SPTLC2: variants seen among roughly 807,000 people sequenced by gnomAD.
SPTLC2 encodes the protein serine palmitoyltransferase 2.
SPTLC2 carries 21 observed loss-of-function variants against 62.0 expected under a neutral mutation model. The observed-to-expected ratio is 0.34, with a 90% CI of 0.24 to 0.49. The LOEUF is 0.49. SPTLC2 is among the 20% of genes least tolerant of loss of function. The probability of loss-of-function intolerance (pLI) is 0.99; values close to 1 mark genes in which losing one functional copy is unlikely to be tolerated. For missense variants in SPTLC2, 511 were observed against 713.0 expected (o/e 0.72, Z 3.23); for synonymous variants, 261 against 261.8 (o/e 1.00, Z 0.03).
chr14:77,604,780 T>C (rs1353459673), intron 1 of SPTLC2, among the ~76,000 whole-genome samples: 4 of 149,650 alleles, frequency 2.7e-5, no homozygotes, highest in Admixed American at 2.0e-4. Context: ...GGCAGGAGAA[T>C]TGCTTGAACC....
chr14:77,604,886 A>C (rs1249591217), intron 1 of SPTLC2, among the ~76,000 whole-genome samples: 1 of 144,394 alleles, frequency 6.9e-6, no homozygotes, highest in Non-Finnish European at 1.5e-5. Flanking sequence ...AAAAAAAAAA[A>C]GGTAAAATGA....
Position 77,597,366 on chromosome 14 carries a change from T to G in SPTLC2, c.147A>C (p.Thr49=). The change falls in exon 2 of 12, where the codon ACA becomes ACC. Residue 49 remains threonine, a synonymous_variant. Transcript: ENST00000216484. The part of the protein sequence containing the change: ...AAAAGQIHHV[T]QNGGLYKRPF... ...GTCTTTTATATAGTCCTCCATTTTG[T>G]GTAACATGATGGATCTAAAAGAGAG... The G allele has an allele frequency of 6.2e-7, 1 of 1,613,956 alleles. No individual in the cohort carries two copies. The highest frequency in any genetic ancestry group is 8.5e-7 in the Non-Finnish European group (1 of 1,179,794).
chr14:77,535,410 C>G (rs1281730601), intron 9 of SPTLC2, among the ~76,000 whole-genome samples: 1 of 152,076 alleles, frequency 6.6e-6, no homozygotes, highest in Non-Finnish European at 1.5e-5. Flanking sequence ...GGGGAGGGTT[C>G]TTAAACAGAA....
intron 5 of SPTLC2, among the ~76,000 whole-genome samples, chr14:77,566,627 A>G (rs1207877704): frequency 6.6e-6 from 1 of 151,698 alleles, no homozygotes. Context: ...CACTACGCCT[A>G]ATTTTTATAT....
chr14:77,599,558 T>C (rs947015704), intron 1 of SPTLC2, among the ~76,000 whole-genome samples: 5 of 152,220 alleles, frequency 3.3e-5, no homozygotes, highest in Non-Finnish European at 7.3e-5. Context: ...GGCATTCAGA[T>C]AGGCATGGAA....
At chr14:77,536,417 G>C (rs1446140100) in intron 9 of SPTLC2, among the ~76,000 whole-genome samples, 1 of 151,510 alleles carries the variant, frequency 6.6e-6, no homozygotes, top group Non-Finnish European at 1.5e-5. Flanking sequence ...CACGTCACCA[G>C]GTGATTTTTT....
rs572378641 is a variant in SPTLC2, at chr14:77,562,485, C to G, written c.761G>C (p.Cys254Ser). Residue 254 changes from cysteine to serine, a missense_variant, in exon 6 of 12, where the codon TGC becomes TCC. By Grantham distance (112) the Cys-to-Ser change is moderately radical (BLOSUM62 -1). Coordinates refer to ENST00000216484, the MANE Select transcript of SPTLC2 (RefSeq NM_004863.4). ...ATTCAGTTCATCACTCAGAATCAGGCAACCCTGCAACATCACAGGAACAGA... is the reference window on the plus strand; with the variant it reads ...ATTCAGTTCATCACTCAGAATCAGGGAACCCTGCAACATCACAGGAACAGA... ...MNIPALVGKG[C>S]LILSDELNHA... 216 of 1,613,776 alleles carry G rather than the reference C, an allele frequency of 1.3e-4. No homozygotes were observed. In the South Asian group the frequency reaches 2.3e-3, roughly 17 times the overall value.
chr14:77,536,810 T>C (rs1404668139), intron 9 of SPTLC2, among the ~76,000 whole-genome samples: 3 of 152,210 alleles, frequency 2.0e-5, no homozygotes, highest in East Asian at 1.9e-4. Context: ...AAAACTCCTA[T>C]GGACAATTTT....
At chr14:77,574,413 C>T (rs1213474984) in intron 4 of SPTLC2, among the ~76,000 whole-genome samples, 5 of 152,180 alleles carry the variant, frequency 3.3e-5, no homozygotes. Context: ...TAAAACAGTA[C>T]GGTCTCTTTG....
At chr14:77,602,290 C>A (rs2079882289) in intron 1 of SPTLC2, among the ~76,000 whole-genome samples, 1 of 152,168 alleles carries the variant, frequency 6.6e-6, no homozygotes, top group South Asian at 2.1e-4. Context: ...GCACCTCAAA[C>A]TCAACAAGTC....
intron 2 of SPTLC2, 99 bp from the exon 3 acceptor site, chr14:77,579,208 G>C: frequency 8.0e-7 from 1 of 1,247,634 alleles, no homozygotes; most frequent in South Asian, 1.3e-5. Context: ...AAATTTATGG[G>C]GTATAAGGGC....
intron 9 of SPTLC2, among the ~76,000 whole-genome samples, chr14:77,543,590 G>T (rs1373594054): frequency 6.6e-6 from 1 of 152,118 alleles, no homozygotes; most frequent in African/African-American, 2.4e-5. Flanking sequence ...CCATTTGTAG[G>T]TTATGTACTA....
chr14:77,545,543 ACAGGCGTGAGCCATCGTGCC>A (rs1226929433), intron 9 of SPTLC2, among the ~76,000 whole-genome samples: 3 of 152,326 alleles, frequency 2.0e-5, no homozygotes, highest in African/African-American at 7.2e-5. Flanking sequence ...TGCTGGGATT[ACAGGCGTGAGCCATCGTGCC>A]CGGCCGGGTA....
intron 2 of SPTLC2, 22 bp from the exon 3 acceptor site, chr14:77,579,131 C>T (rs755732002): frequency 6.2e-7 from 1 of 1,613,282 alleles, no homozygotes; most frequent in Non-Finnish European, 8.5e-7. Flanking sequence ...TGGTGACATA[C>T]CATAAATTTA....
intron 1 of SPTLC2, among the ~76,000 whole-genome samples, chr14:77,612,350 T>C (rs1319130233): frequency 1.3e-5 from 2 of 152,236 alleles, no homozygotes; most frequent in East Asian, 1.9e-4. Flanking sequence ...TAAAATACTA[T>C]CTTAAGAACA....
At chr14:77,597,091 G>A in intron 2 of SPTLC2, 95 bp downstream of exon 2, 2 of 1,238,896 alleles carry the variant, frequency 1.6e-6, no homozygotes, top group Non-Finnish European at 2.3e-6. Flanking sequence ...ATTTTAATGT[G>A]TACCCAAATT....
intron 3 of SPTLC2, among the ~76,000 whole-genome samples, chr14:77,577,757 G>A (rs1027753760): frequency 4.6e-5 from 7 of 152,138 alleles, no homozygotes; most frequent in African/African-American, 7.2e-5. Flanking sequence ...AAAATTAGCC[G>A]GGTGTGGTGG....
At chr14:77,571,496 G>A (rs1043614192) in intron 4 of SPTLC2, among the ~76,000 whole-genome samples, 18 of 123,396 alleles carry the variant, frequency 1.5e-4, no homozygotes, top group South Asian at 6.1e-4. Flanking sequence ...GCAACAGAGC[G>A]AGACTCTGAC....
At chr14:77,548,793 C>T (rs577012297) in intron 9 of SPTLC2, among the ~76,000 whole-genome samples, 41 of 152,276 alleles carry the variant, frequency 2.7e-4, no homozygotes, top group African/African-American at 8.7e-4. Flanking sequence ...AAGGAGCGCT[C>T]ACAAAGTCGT....
Sources: allele counts gnomAD v4.1 joint callset (sites outside exome capture counted in the v4.1 genomes callset), GRCh38; gene constraint gnomAD v4.1.1; transcripts MANE v1.5; gene names NCBI Gene and HGNC (gene_info 2026-07-23, HGNC 2026-07-21).